The following SPATA6 variants were observed in gnomAD, a reference collection of about 807,000 sequenced individuals.
SPATA6 encodes spermatogenesis-associated protein 6.
A neutral mutation model predicts 65.3 loss-of-function variants in SPATA6; 56 were observed. The ratio of observed to expected loss-of-function variants is 0.86; its 90% CI spans 0.69 to 1.07. The LOEUF is 1.07. Ranked by LOEUF, SPATA6 falls within the 50% of genes least tolerant of loss-of-function variation. The pLI, the probability that SPATA6 is intolerant of heterozygous loss-of-function variation, is 0.00. For synonymous variants in SPATA6, 199 were observed against 213.2 expected (o/e 0.93, Z 0.58); for missense variants, 590 against 594.8 (o/e 0.99, Z 0.08).
chr1:48,307,388 A>G (rs977527055), intron 11 of SPATA6, among the ~76,000 whole-genome samples: 6 of 148,302 alleles, frequency 4.0e-5, no homozygotes, highest in African/African-American at 1.2e-4. Context: ...ATATAATCAT[A>G]TACATTTATA....
rs369242949 is a variant in SPATA6 at position 48,296,777 on chromosome 1, C to T, written c.*1936G>A. On this transcript the variant is annotated 3_prime_UTR_variant, in exon 13 of 13. Transcript: ENST00000371847. ...TCCAGCATTTCTACAACCTAGGTAT[C>T]CACATGTACCTTAGGATGACATTGG... The T allele has an allele frequency of 1.4e-4, 21 of 152,004 alleles. 1 individual carries two copies. The highest frequency in any genetic ancestry group is 5.1e-4 in the African/African-American group (21 of 41,370). The allele number at this position is 152,004 out of a possible 1,614,324, so 9.4% of individuals were successfully genotyped here. A position where few individuals can be genotyped will look rare whatever the true frequency, so the allele number is the denominator to read the frequency against.
At chr1:48,311,849 A>C (rs1299520510) in intron 11 of SPATA6, among the ~76,000 whole-genome samples, 1 of 152,210 alleles carries the variant, frequency 6.6e-6, no homozygotes, top group Non-Finnish European at 1.5e-5. Context: ...TGGTACCTGG[A>C]AATTCGGGTC....
intron 9 of SPATA6, among the ~76,000 whole-genome samples, chr1:48,375,118 C>T (rs1431493379): frequency 2.0e-5 from 3 of 152,102 alleles, no homozygotes; most frequent in African/African-American, 7.2e-5. Context: ...TTCTTTTAGC[C>T]TCTCTCTTCA....
rs145066960 is a variant in SPATA6, at chr1:48,412,618, T to C, written c.280+492A>G. On this transcript the variant is annotated intron_variant, in intron 4 of 12. Coordinates refer to ENST00000371847, the MANE Select transcript of SPATA6 (RefSeq NM_019073.4). ...TGTTCTCAACTTGGGAAGAGGAGGA[T>C]AGATGAGATTTTTTTTTTGAGACGG... is the stretch of plus-strand genomic sequence containing the variant. Among the ~76,000 whole-genome samples the C allele has an allele frequency of 1.8e-3, 275 of 152,276 alleles. 1 individual carries two copies. The East Asian group carries it at 0.028, about 16-fold the overall frequency.
chr1:48,361,013 T>A (rs959431923), intron 9 of SPATA6, among the ~76,000 whole-genome samples: 1 of 152,224 alleles, frequency 6.6e-6, no homozygotes, highest in African/African-American at 2.4e-5. Flanking sequence ...GTTTTGGACA[T>A]ATTAAGCTTC....
chr1:48,291,632 C>G (rs1399909545), downstream of SPATA6, among the ~76,000 whole-genome samples: 1 of 152,188 alleles, frequency 6.6e-6, no homozygotes, highest in Non-Finnish European at 1.5e-5. Flanking sequence ...TTCCAGGCAG[C>G]CAGTGAGCAG....
intron 3 of SPATA6, among the ~76,000 whole-genome samples, chr1:48,431,113 G>C (rs1303997573): frequency 1.3e-5 from 2 of 151,878 alleles, no homozygotes; most frequent in East Asian, 3.9e-4. Flanking sequence ...AAGAGAGCAG[G>C]GGTGGTTATA....
At chr1:48,377,011 G>A (rs1647998467) in intron 9 of SPATA6, among the ~76,000 whole-genome samples, 1 of 152,018 alleles carries the variant, frequency 6.6e-6, no homozygotes, top group South Asian at 2.1e-4. Flanking sequence ...TCATTTTTCA[G>A]GTCTACTTTT....
At chr1:48,290,815 C>T (rs1644761949), downstream of SPATA6, among the ~76,000 whole-genome samples, 1 of 152,158 alleles carries the variant, frequency 6.6e-6, no homozygotes, top group African/African-American at 2.4e-5. Flanking sequence ...AATATATATG[C>T]ACACAACACA....
chr1:48,390,608 G>A (rs527445632), intron 8 of SPATA6, among the ~76,000 whole-genome samples: 5 of 152,180 alleles, frequency 3.3e-5, no homozygotes, highest in African/African-American at 9.7e-5. Context: ...CAAAATGGTA[G>A]ATAATTTAAC....
At chr1:48,319,490 C>G (rs971253060) in intron 11 of SPATA6, among the ~76,000 whole-genome samples, 1 of 152,134 alleles carries the variant, frequency 6.6e-6, no homozygotes, top group East Asian at 1.9e-4. Context: ...AATGCTAACA[C>G]TTCAAGTAGA....
chr1:48,368,030 T>G (rs1029982908), intron 9 of SPATA6, among the ~76,000 whole-genome samples: 31 of 152,276 alleles, frequency 2.0e-4, no homozygotes, highest in Non-Finnish European at 3.1e-4. Flanking sequence ...GTCTGTATAG[T>G]ATTTTATTTC....
chr1:48,389,557 C>A (rs981717677), intron 8 of SPATA6, among the ~76,000 whole-genome samples: 6 of 151,968 alleles, frequency 3.9e-5, no homozygotes, highest in Admixed American at 2.6e-4. Flanking sequence ...TATAAAGAAA[C>A]CCCCATTAGA....
chr1:48,453,249 C>G, intron 1 of SPATA6, 118 bp from the exon 2 acceptor site: 1 of 1,131,338 alleles, frequency 8.8e-7, no homozygotes, highest in Non-Finnish European at 1.2e-6. Flanking sequence ...ATAAAAAATA[C>G]TCACAAATAA....
intron 3 of SPATA6, among the ~76,000 whole-genome samples, chr1:48,431,668 T>G (rs1654415404): frequency 6.6e-6 from 1 of 152,120 alleles, no homozygotes; most frequent in Non-Finnish European, 1.5e-5. Context: ...AACACACTCT[T>G]AAATAATCAA....
chr1:48,340,684 A>G (rs1025618478), intron 11 of SPATA6, among the ~76,000 whole-genome samples: 16 of 152,068 alleles, frequency 1.1e-4, no homozygotes, highest in Non-Finnish European at 1.9e-4. Context: ...ATAGTATACA[A>G]ATCCAACAAT....
intron 10 of SPATA6, among the ~76,000 whole-genome samples, chr1:48,356,520 T>A (rs1646665797): frequency 6.8e-6 from 1 of 147,134 alleles, no homozygotes; most frequent in Admixed American, 6.8e-5. Context: ...CTTTTTTTTT[T>A]TTTTTTTTTT....
Position 48,371,602 on chromosome 1 carries a change from A to G in SPATA6, c.910-11832T>C, listed in dbSNP as rs145589467. Among the ~76,000 whole-genome samples the G allele has an allele frequency of 2.5e-4, 38 of 152,348 alleles. No individual in the cohort carries two copies. The East Asian group carries it at 7.3e-3, about 29-fold the overall frequency. On this transcript the variant is annotated intron_variant, in intron 9 of 12. Transcript: ENST00000371847. The stretch of plus-strand genomic sequence containing the variant: ...AACACAGTTTAGCAAGAGAAATTAT[A>G]CAAAACTGCCCAAGGACTTATGCTG...
At chr1:48,437,490 C>A (rs1054019382) in intron 3 of SPATA6, among the ~76,000 whole-genome samples, 3 of 152,152 alleles carry the variant, frequency 2.0e-5, no homozygotes, top group African/African-American at 7.2e-5. Context: ...GTGACTAACT[C>A]TTTTTATCTC....
Sources: gnomAD v4.1 joint callset for allele counts (sites outside exome capture counted in the v4.1 genomes callset) on GRCh38, gnomAD v4.1.1 for gene constraint, MANE v1.5 for transcripts, NCBI Gene and HGNC (gene_info 2026-07-23, HGNC 2026-07-21) for gene names.